Variants in CDKL5 observed in about 807,000 individuals in gnomAD.
CDKL5 encodes the protein cyclin-dependent kinase-like 5.
A neutral mutation model predicts 61.7 loss-of-function variants in CDKL5; 8 were observed. The ratio of observed to expected loss-of-function variants is 0.13; its 90% CI spans 0.08 to 0.23. The LOEUF is 0.23. Among genes scored for constraint, CDKL5 ranks in the 10% least tolerant of loss-of-function variants. The probability of loss-of-function intolerance (pLI) is 1.00; values close to 1 mark genes in which losing one functional copy is unlikely to be tolerated. For synonymous variants in CDKL5, 275 were observed against 272.3 expected (o/e 1.01, Z -0.10); for missense variants, 440 against 734.5 (o/e 0.60, Z 4.63).
At chrX:18,605,030 T>C (rs1602287155) in intron 12 of CDKL5, among the ~76,000 whole-genome samples, 162 bp downstream of exon 12, 1 of 112,214 alleles carries the variant, frequency 8.9e-6, no homozygotes, top group East Asian at 2.8e-4. Flanking sequence ...TCTGTTTTTT[T>C]GTTTTTTGTT....
intron 3 of CDKL5, among the ~76,000 whole-genome samples, chrX:18,512,416 A>G (rs139837149): frequency 0.011 from 1,270 of 111,364 alleles, 18 homozygotes; most frequent in African/African-American, 0.038. Flanking sequence ...ATACTCTTAT[A>G]TTTGCTTTTT....
intron 1 of CDKL5, among the ~76,000 whole-genome samples, chrX:18,439,466 T>A (rs1440357358): frequency 2.7e-5 from 3 of 110,159 alleles, no homozygotes; most frequent in Non-Finnish European, 5.7e-5. Context: ...TTGGAGATAG[T>A]TTTGGTTTTA....
rs1250578804 is a variant in CDKL5 at position 18,506,195 on chromosome X, A to C, written c.-162-740A>C. Among the ~76,000 whole-genome samples the C allele has an allele frequency of 3.6e-5, 4 of 111,625 alleles. No homozygotes were observed. In the East Asian group the frequency reaches 1.1e-3, roughly 32 times the overall value. On this transcript the variant is annotated intron_variant, in intron 1 of 17. Transcript: ENST00000623535. ...TTTGAGCATTTCCTTACTTTCTGGC[A>C]CCACAAAAATATGCCCTAGGCTCCT...
chrX:18,488,790 A>T (rs1921881269), intron 1 of CDKL5, among the ~76,000 whole-genome samples: 1 of 111,677 alleles, frequency 9.0e-6, no homozygotes, highest in South Asian at 3.7e-4. Context: ...AGTTCAGGCC[A>T]TGATAGGAAA....
chrX:18,428,670 T>C (rs1010851604), intron 1 of CDKL5, among the ~76,000 whole-genome samples: 4 of 111,639 alleles, frequency 3.6e-5, no homozygotes, highest in Non-Finnish European at 3.8e-5. Flanking sequence ...ATTAAGTTGC[T>C]TTCTAAGTAG....
At chrX:18,509,505 A>G (rs1056540397) in intron 2 of CDKL5, among the ~76,000 whole-genome samples, 1 of 111,428 alleles carries the variant, frequency 9.0e-6, no homozygotes, top group African/African-American at 3.3e-5. Flanking sequence ...CCCCCTTCTC[A>G]TAGATGAATG....
intron 1 of CDKL5, among the ~76,000 whole-genome samples, chrX:18,478,804 G>A (rs888667051): frequency 9.3e-6 from 1 of 107,674 alleles, no homozygotes; most frequent in Admixed American, 1.0e-4. Flanking sequence ...TCTCCCTCTC[G>A]GGTTCAAGTG....
chrX:18,566,267 A>G (rs1344033535), intron 4 of CDKL5, among the ~76,000 whole-genome samples: 1 of 111,502 alleles, frequency 9.0e-6, no homozygotes, highest in Non-Finnish European at 1.9e-5. Context: ...TTCTACAGCC[A>G]CAGCCTCCTG....
rs1388628694 is a variant in CDKL5 at position 18,634,825 on chromosome X, A to G, written c.*6068A>G. 2 of 747,871 alleles carry G rather than the reference A, an allele frequency of 2.7e-6. No individual in the cohort carries two copies. Among genetic ancestry groups the G allele is most frequent in the Non-Finnish European group, 3.1e-6 (2 of 636,197 alleles). 61.6% of individuals were successfully genotyped at this position (747,871 alleles called of 1,213,427 possible). ...TTTTGAATTCAGGTAGTTATTCTGT[A>G]TATACTTAGCTAACTATTCAGAGCT... On this transcript the variant is annotated 3_prime_UTR_variant, in exon 18 of 18. Coordinates refer to ENST00000623535, the MANE Select transcript of CDKL5 (RefSeq NM_001323289.2).
At chrX:18,588,392 G>A in intron 9 of CDKL5, 1 of 309,666 alleles carries the variant, frequency 3.2e-6, no homozygotes, top group Non-Finnish European at 5.6e-6. Flanking sequence ...ATCTTTTTTA[G>A]TGTATACATT....
chrX:18,525,376 G>A (rs1923396945), intron 3 of CDKL5, among the ~76,000 whole-genome samples: 1 of 111,870 alleles, frequency 8.9e-6, no homozygotes. Context: ...TGGGACTACA[G>A]GCGTGAGCCA....
chrX:18,604,116 A>G lies in CDKL5; in HGVS notation c.1192A>G (p.Thr398Ala), dbSNP rs960024996. Residue 398 changes from threonine to alanine, a missense_variant, in exon 12 of 18, where the codon ACC becomes GCC. Physicochemically the swap from Thr to Ala is moderately conservative, Grantham distance 58. Coordinates refer to ENST00000623535, the MANE Select transcript of CDKL5 (RefSeq NM_001323289.2). ...GCCTGGGTCTACCAGCAAAGATCTC[A>G]CCAACAACAACATACCACACCTTCT... ...SQPGSTSKDLTNNNIPHLLSP... is the reference protein window; with the variant it reads ...SQPGSTSKDLANNNIPHLLSP... The G allele has an allele frequency of 3.3e-6, 4 of 1,209,584 alleles. No individual in the cohort carries two copies. The highest frequency in any genetic ancestry group is 3.5e-5 in the African/African-American group (2 of 57,028).
At chrX:18,428,875 C>A (rs921475750) in intron 1 of CDKL5, among the ~76,000 whole-genome samples, 1 of 111,562 alleles carries the variant, frequency 9.0e-6, no homozygotes, top group African/African-American at 3.3e-5. Context: ...TAAAAGACTA[C>A]ATTTAAACTT....
chrX:18,613,134 T>G lies in CDKL5; in HGVS notation c.2153-18T>G, dbSNP rs374947662. Reference sequence around the variant, plus strand: ...AAAAAAGAAAAGTCCATCAGTGACTTACTTTTTCTTTATTCAGTGCCATCT... The same window carrying G: ...AAAAAAGAAAAGTCCATCAGTGACTGACTTTTTCTTTATTCAGTGCCATCT... On this transcript the variant is annotated intron_variant, in intron 14 of 17. Transcript: ENST00000623535. 127 of 1,142,545 alleles carry G rather than the reference T, an allele frequency of 1.1e-4. No homozygotes were observed. Among genetic ancestry groups the G allele is most frequent in the Non-Finnish European group, 1.4e-4 (115 of 849,160 alleles). 94.2% of individuals were successfully genotyped at this position (1,142,545 alleles called of 1,213,427 possible). A position where few individuals can be genotyped will look rare whatever the true frequency, so the allele number is the denominator to read the frequency against.
intron 1 of CDKL5, among the ~76,000 whole-genome samples, chrX:18,434,152 G>T (rs1183323120): frequency 8.9e-6 from 1 of 112,140 alleles, no homozygotes; most frequent in Admixed American, 9.6e-5. Context: ...ATCCCCACTT[G>T]TGCAGGTTTC....
intron 3 of CDKL5, among the ~76,000 whole-genome samples, chrX:18,555,328 G>GC (rs1924560627): frequency 1.8e-5 from 2 of 111,690 alleles, no homozygotes; most frequent in African/African-American, 6.5e-5. Flanking sequence ...GATACAGATT[G>GC]TATTTTTTTT....
intron 20 of CDKL5, among the ~76,000 whole-genome samples, chrX:18,648,920 C>T (rs1449462370): frequency 9.2e-6 from 1 of 108,984 alleles, no homozygotes; most frequent in Non-Finnish European, 1.9e-5. Context: ...TCGTGGCTCA[C>T]GTCTATAGTC....
At position 18,628,569 on chromosome X, in the gene CDKL5, C is replaced by G; in HGVS notation, c.2695C>G (p.Pro899Ala). The change falls in exon 18 of 18, where the codon CCA (proline) becomes GCA (alanine). Residue 899 changes from proline to alanine, a missense_variant. Physicochemically the swap from Pro to Ala is conservative, Grantham distance 27. This residue lies in a region of CDKL5 where 363 missense variants were observed against 516.3 expected (regional missense o/e 0.70). Transcript: ENST00000623535. Reference sequence around the variant, plus strand: ...GCAGGAACCCGCACCGAAGGGCAGGCCAGCCCTCCAGCTGCCAGGTCAGAT... The same window carrying G: ...GCAGGAACCCGCACCGAAGGGCAGGGCAGCCCTCCAGCTGCCAGGTCAGAT... ...IRQEPAPKGRPALQLPGQMDP... is the reference protein window; with the variant it reads ...IRQEPAPKGRAALQLPGQMDP... 5 of 1,211,731 alleles carry G rather than the reference C, an allele frequency of 4.1e-6. No homozygotes were observed. Among genetic ancestry groups the G allele is most frequent in the Non-Finnish European group, 5.6e-6 (5 of 895,328 alleles).
At chrX:18,428,748 AAAT>A (rs1416558607) in intron 1 of CDKL5, among the ~76,000 whole-genome samples, 8 of 108,151 alleles carry the variant, frequency 7.4e-5, no homozygotes, top group Non-Finnish European at 1.5e-4. Context: ...TTGCAACATC[AAAT>A]AATTTGGCAA....
Sources: allele counts gnomAD v4.1 joint callset (sites outside exome capture counted in the v4.1 genomes callset), GRCh38; gene constraint gnomAD v4.1.1; regional missense constraint gnomAD v4.1.1; transcripts MANE v1.5; gene names NCBI Gene and HGNC (gene_info 2026-07-23, HGNC 2026-07-21).